UNC5D: variants seen among roughly 807,000 people sequenced by gnomAD.
The protein encoded by UNC5D is unc-5 netrin receptor D, also known as netrin receptor UNC5D.
UNC5D carries 39 observed loss-of-function variants against 105.4 expected under a neutral mutation model. The observed-to-expected ratio is 0.37, with a 90% CI of 0.29 to 0.48. UNC5D has a LOEUF of 0.48. Ranked by LOEUF, UNC5D falls within the 20% of genes least tolerant of loss-of-function variation. The probability of loss-of-function intolerance (pLI) is 0.98; values close to 1 mark genes in which losing one functional copy is unlikely to be tolerated. For missense variants in UNC5D, 991 were observed against 1,202.4 expected (o/e 0.82, Z 2.60); for synonymous variants, 452 against 450.4 (o/e 1.00, Z -0.04).
At chr8:35,768,356 G>C (rs1245760190) in intron 15 of UNC5D, among the ~76,000 whole-genome samples, 1 of 152,138 alleles carries the variant, frequency 6.6e-6, no homozygotes, top group East Asian at 1.9e-4. Flanking sequence ...GGTAGATCTG[G>C]AAACCTGGGG....
At chr8:35,351,002 C>T (rs1381581120) in intron 1 of UNC5D, among the ~76,000 whole-genome samples, 1 of 152,090 alleles carries the variant, frequency 6.6e-6, no homozygotes, top group Non-Finnish European at 1.5e-5. Flanking sequence ...TATCTTGAGA[C>T]TGCATGTCAT....
chr8:35,342,229 C>G (rs1563328675), intron 1 of UNC5D, among the ~76,000 whole-genome samples: 1 of 151,982 alleles, frequency 6.6e-6, no homozygotes, highest in Non-Finnish European at 1.5e-5. Flanking sequence ...CCCCAGAATC[C>G]CAGGTAGATC....
intron 14 of UNC5D, among the ~76,000 whole-genome samples, chr8:35,765,783 T>C (rs951498511): frequency 2.6e-5 from 4 of 152,188 alleles, no homozygotes; most frequent in African/African-American, 9.7e-5. Flanking sequence ...CAGTCATAGT[T>C]CAGGGTTCCA....
At chr8:35,462,061 GAA>G (rs1808932019) in intron 1 of UNC5D, among the ~76,000 whole-genome samples, 1 of 152,036 alleles carries the variant, frequency 6.6e-6, no homozygotes, top group Admixed American at 6.6e-5. Flanking sequence ...CTAGTGCTTA[GAA>G]AAGATTATTT....
intron 4 of UNC5D, among the ~76,000 whole-genome samples, chr8:35,663,028 T>C (rs1220908586): frequency 6.6e-6 from 1 of 152,200 alleles, no homozygotes; most frequent in Non-Finnish European, 1.5e-5. Flanking sequence ...AGTTTCATCC[T>C]GAAACCATCC....
chr8:35,638,179 T>C (rs556341807), intron 4 of UNC5D, among the ~76,000 whole-genome samples: 2 of 152,312 alleles, frequency 1.3e-5, no homozygotes, highest in Non-Finnish European at 2.9e-5. Context: ...TTCCTGTACA[T>C]ATTTTTTTGA....
chr8:35,363,910 T>C (rs73588005), intron 1 of UNC5D, among the ~76,000 whole-genome samples: 3,084 of 152,256 alleles, frequency 0.02, 108 homozygotes, highest in African/African-American at 0.07. Flanking sequence ...AGGCTAGGCA[T>C]GGTGACTTAC....
At chr8:35,766,203 G>T (rs1400928936) in intron 14 of UNC5D, among the ~76,000 whole-genome samples, 3 of 152,084 alleles carry the variant, frequency 2.0e-5, no homozygotes, top group Non-Finnish European at 4.4e-5. Flanking sequence ...ACCTAGTACA[G>T]TGTGTGGTAA....
intron 1 of UNC5D, among the ~76,000 whole-genome samples, chr8:35,444,369 T>A (rs566180701): frequency 1.8e-4 from 27 of 152,246 alleles, no homozygotes; most frequent in Middle Eastern, 3.4e-3. Context: ...GTTTATCTCC[T>A]GGAAAGTAAT....
At chr8:35,294,323 A>G (rs963327816) in intron 1 of UNC5D, among the ~76,000 whole-genome samples, 1 of 152,128 alleles carries the variant, frequency 6.6e-6, no homozygotes, top group African/African-American at 2.4e-5. Context: ...TTACATTTGC[A>G]TTAAAAACCT....
At chr8:35,422,006 C>A (rs1232298307) in intron 1 of UNC5D, among the ~76,000 whole-genome samples, 1 of 152,118 alleles carries the variant, frequency 6.6e-6, no homozygotes, top group African/African-American at 2.4e-5. Flanking sequence ...TTAAGAGAAT[C>A]TTTTTTCAAC....
intron 4 of UNC5D, among the ~76,000 whole-genome samples, chr8:35,663,953 C>A (rs1191166428): frequency 6.6e-6 from 1 of 152,090 alleles, no homozygotes; most frequent in Non-Finnish European, 1.5e-5. Context: ...ATTAGCAAAT[C>A]AGTTGTAACC....
intron 1 of UNC5D, among the ~76,000 whole-genome samples, chr8:35,336,130 A>G (rs1178673953): frequency 6.6e-6 from 1 of 152,326 alleles, no homozygotes; most frequent in East Asian, 1.9e-4. Context: ...TCAGTTTAAT[A>G]AGAGTTAGTA....
chr8:35,755,267 A>G (rs556822267), intron 13 of UNC5D, among the ~76,000 whole-genome samples: 1 of 152,298 alleles, frequency 6.6e-6, no homozygotes, highest in South Asian at 2.1e-4. Flanking sequence ...ATAGAAAAAA[A>G]CAACTAGGGT....
chr8:35,325,240 C>T (rs559081967), intron 1 of UNC5D, among the ~76,000 whole-genome samples: 2 of 152,216 alleles, frequency 1.3e-5, no homozygotes, highest in East Asian at 1.9e-4. Flanking sequence ...ATTTTTAAAG[C>T]ACATAAGACA....
intron 1 of UNC5D, among the ~76,000 whole-genome samples, chr8:35,493,281 C>CAAAAAAAAAAAAAAAAAA: frequency 1.5e-5 from 1 of 67,162 alleles, no homozygotes; most frequent in Non-Finnish European, 2.9e-5. Flanking sequence ...AGTCTGTGAC[C>CAAAAAAAAAAAAAAAAAA]AAAAAAAAAA....
At chr8:35,666,258 G>A (rs1824414747) in intron 4 of UNC5D, among the ~76,000 whole-genome samples, 1 of 151,980 alleles carries the variant, frequency 6.6e-6, no homozygotes, top group Non-Finnish European at 1.5e-5. Context: ...ATCCATATAG[G>A]CATCACTAAA....
intron 1 of UNC5D, among the ~76,000 whole-genome samples, chr8:35,397,843 A>C (rs1380363676): frequency 6.6e-6 from 1 of 152,194 alleles, no homozygotes; most frequent in African/African-American, 2.4e-5. Flanking sequence ...TGATTTAAAA[A>C]TTGGATGTTA....
At chr8:35,445,437 CTA>C (rs1382686674) in intron 1 of UNC5D, among the ~76,000 whole-genome samples, 1 of 152,000 alleles carries the variant, frequency 6.6e-6, no homozygotes, top group Non-Finnish European at 1.5e-5. Flanking sequence ...TTAACATTTA[CTA>C]TGTCATAAGT....
Sources: gnomAD v4.1 joint callset for allele counts (sites outside exome capture counted in the v4.1 genomes callset) on GRCh38, gnomAD v4.1.1 for gene constraint, MANE v1.5 for transcripts, NCBI Gene and HGNC (gene_info 2026-07-23, HGNC 2026-07-21) for gene names.